The following MDH2 variants were observed in gnomAD, a reference collection of about 807,000 sequenced individuals.
The protein encoded by MDH2 is malate dehydrogenase, mitochondrial.
In MDH2, 25 loss-of-function variants were observed where a neutral mutation model predicts 33.6. That is an observed-to-expected ratio of 0.74 (90% CI 0.54 to 1.04). The LOEUF (loss-of-function observed/expected upper bound fraction) is 1.04. MDH2 is among the 50% of genes least tolerant of loss of function. The pLI is 0.00. For synonymous variants in MDH2, 193 were observed against 188.7 expected, an observed-to-expected ratio of 1.02 and a Z score of -0.19; for missense variants, 432 against 445.0, an observed-to-expected ratio of 0.97 and a Z score of 0.26.
Position 76,059,705 on chromosome 7 carries a change from G to A in MDH2, c.430-668G>A, listed in dbSNP as rs143551470. ...GGATGCCAGCAGGCATGCAGAGCTC[G>A]TGCTCCTGGCCTCTAAGGGTCCTGC... On this transcript the variant is annotated intron_variant, in intron 4 of 8. Transcript: ENST00000315758. 9.7e-3 allele frequency among the ~76,000 whole-genome samples: 1,482 copies of A among 152,272 alleles called. 27 individuals are homozygous for A. The highest frequency in any genetic ancestry group is 0.032 in the African/African-American group (1,322 of 41,544).
chr7:76,066,326 TGAG>T lies in MDH2; in HGVS notation c.937_939del (p.Glu313del), dbSNP rs1798095630. On this transcript the variant is annotated inframe_deletion, in exon 9 of 9. Coordinates refer to ENST00000315758, the MANE Select transcript of MDH2 (RefSeq NM_005918.4). Reference sequence around the variant, plus strand: ...TGGGCATCGGCAAAGTCTCCTCTTTTGAGGAGAAGATGATCTCGGATGCCATCC... The same window carrying T: ...TGGGCATCGGCAAAGTCTCCTCTTTTGAGAAGATGATCTCGGATGCCATCC... 2 of 1,610,288 alleles carry T rather than the reference TGAG, an allele frequency of 1.2e-6. No homozygotes were observed. Among genetic ancestry groups the T allele is most frequent in the Non-Finnish European group, 1.7e-6 (2 of 1,178,824 alleles).
At chr7:76,051,172 A>C (rs1177951719) in intron 1 of MDH2, among the ~76,000 whole-genome samples, 3 of 152,106 alleles carry the variant, frequency 2.0e-5, no homozygotes, top group Non-Finnish European at 4.4e-5. Flanking sequence ...GACGTGAGCC[A>C]CCACACCCGG....
chr7:76,064,531 C>T (rs1798041776), intron 7 of MDH2, 93 bp downstream of exon 7: 7 of 1,149,424 alleles, frequency 6.1e-6, no homozygotes, highest in African/African-American at 1.5e-5. Context: ...TGGGCATGGA[C>T]GATCCTTTTC....
intron 5 of MDH2, 35 bp from the exon 6 acceptor site, chr7:76,063,480 T>A: frequency 6.2e-7 from 1 of 1,600,046 alleles, no homozygotes; most frequent in Non-Finnish European, 8.6e-7. Context: ...TGAAAGAGCT[T>A]GTTAACTCAT....
In MDH2 at chr7:76,067,421, C is replaced by T. The variant is rs1206129145; in HGVS notation, c.*1011C>T. Reference sequence around the variant, plus strand: ...AAATGGATTTTATCATAAAGGATGACATCGTTTTCTTCTACAATTAATACA... The same window carrying T: ...AAATGGATTTTATCATAAAGGATGATATCGTTTTCTTCTACAATTAATACA... On this transcript the variant is annotated 3_prime_UTR_variant, in exon 9 of 9. Transcript: ENST00000315758. The T allele has an allele frequency of 6.6e-6, 1 of 152,158 alleles. No homozygotes were observed. Among genetic ancestry groups the T allele is most frequent in the African/African-American group, 2.4e-5 (1 of 41,430 alleles). 9.4% of individuals were successfully genotyped at this position (152,158 alleles called of 1,614,324 possible).
At chr7:76,065,941 G>A (rs548587487) in intron 8 of MDH2, among the ~76,000 whole-genome samples, 14 of 152,302 alleles carry the variant, frequency 9.2e-5, no homozygotes, top group African/African-American at 2.6e-4. Flanking sequence ...AGTTCCTGGC[G>A]TCCAGGTGCT....
intron 1 of MDH2, among the ~76,000 whole-genome samples, chr7:76,053,736 C>T (rs1797686564): frequency 6.6e-6 from 1 of 151,860 alleles, no homozygotes; most frequent in African/African-American, 2.4e-5. Flanking sequence ...TCTTCCCTCA[C>T]TGGTAGCTGC....
intron 5 of MDH2, 151 bp downstream of exon 5, chr7:76,060,649 A>G: frequency 1.7e-6 from 2 of 1,188,782 alleles, no homozygotes. Context: ...TCTTGATGGA[A>G]GCAGCCCCTG....
At position 76,058,396 on chromosome 7, in the gene MDH2, T is replaced by C. The variant is rs565048327; in HGVS notation, c.429+318T>C. On this transcript the variant is annotated intron_variant, in intron 4 of 8. Transcript: ENST00000315758. Reference sequence around the variant, plus strand: ...TCTCAAGGCTCCTTTCAGCCGTGATTGTGGTGGTCTCTTGATTCCCTTTTT... The same window carrying C: ...TCTCAAGGCTCCTTTCAGCCGTGATCGTGGTGGTCTCTTGATTCCCTTTTT... 5.3e-5 allele frequency among the ~76,000 whole-genome samples: 8 copies of C among 152,318 alleles called. No individual in the cohort carries two copies. In the East Asian group the frequency reaches 1.5e-3, roughly 29 times the overall value.
chr7:76,062,215 A>G (rs1797974145), intron 5 of MDH2, among the ~76,000 whole-genome samples: 1 of 152,068 alleles, frequency 6.6e-6, no homozygotes, highest in Non-Finnish European at 1.5e-5. Flanking sequence ...TTCCCTTTCA[A>G]CGTGGCTCCA....
chr7:76,054,150 CT>C (rs1797699580), intron 1 of MDH2, among the ~76,000 whole-genome samples: 1 of 152,194 alleles, frequency 6.6e-6, no homozygotes, highest in Non-Finnish European at 1.5e-5. Context: ...CACACCTAGG[CT>C]GGAGAACCAG....
chr7:76,060,340 G>C, intron 4 of MDH2, 33 bp from the exon 5 acceptor site: 4 of 1,611,604 alleles, frequency 2.5e-6, no homozygotes, highest in Non-Finnish European at 3.4e-6. Context: ...TCGGAACCCA[G>C]GGCAAGCCAT....
In MDH2 at chr7:76,064,966, G is replaced by C. The variant is rs1798056874; in HGVS notation, c.885+13G>C. The C allele has an allele frequency of 6.2e-7, 1 of 1,613,890 alleles. No individual in the cohort carries two copies. The highest frequency in any genetic ancestry group is 1.3e-5 in the African/African-American group (1 of 74,912). On this transcript the variant is annotated intron_variant, in intron 8 of 8. Transcript: ENST00000315758. The stretch of plus-strand genomic sequence containing the variant: ...GCTGCTGCTTGGGGTACGTATCCAG[G>C]CGTGGGTCCTTCTGACTGTGGAATA...
chr7:76,049,566 G>A (rs1554585015), intron 1 of MDH2, among the ~76,000 whole-genome samples: 3 of 152,092 alleles, frequency 2.0e-5, no homozygotes, highest in Non-Finnish European at 4.4e-5. Flanking sequence ...GGAGGGATGA[G>A]GTGTGGGGGA....
chr7:76,053,882 G>A lies in MDH2; in HGVS notation c.67-948G>A, dbSNP rs559285372. Among the ~76,000 whole-genome samples the A allele has an allele frequency of 9.1e-4, 139 of 152,148 alleles. 1 individual carries two copies. Among genetic ancestry groups the A allele is most frequent in the Non-Finnish European group, 1.5e-3 (104 of 67,986 alleles). On this transcript the variant is annotated intron_variant, in intron 1 of 8. Coordinates refer to ENST00000315758, the MANE Select transcript of MDH2 (RefSeq NM_005918.4). Reference sequence around the variant, plus strand: ...GAGGGGAAGAGTGCCTTCGAATAACGGGAGTGATTGCTGGATGCGGGGCCG... The same window carrying A: ...GAGGGGAAGAGTGCCTTCGAATAACAGGAGTGATTGCTGGATGCGGGGCCG...
At chr7:76,059,909 T>G (rs938690730) in intron 4 of MDH2, among the ~76,000 whole-genome samples, 3 of 152,180 alleles carry the variant, frequency 2.0e-5, no homozygotes, top group African/African-American at 7.2e-5. Flanking sequence ...TTCATGAGGT[T>G]GTCGTTTCCC....
At chr7:76,062,387 G>A (rs1368573548) in intron 5 of MDH2, among the ~76,000 whole-genome samples, 4 of 152,222 alleles carry the variant, frequency 2.6e-5, no homozygotes, top group Non-Finnish European at 4.4e-5. Context: ...CCTGGTGACC[G>A]TGCAGTGCCC....
At chr7:76,054,179 C>G (rs1637029) in intron 1 of MDH2, among the ~76,000 whole-genome samples, 2,117 of 152,204 alleles carry the variant, frequency 0.014, 41 homozygotes, top group African/African-American at 0.049. Context: ...TACTGGAGCC[C>G]GAGATGACAG....
rs1798100305 is a variant in MDH2, at chr7:76,066,454, C to T, written c.*44C>T. The T allele has an allele frequency of 2.5e-6, 4 of 1,578,952 alleles. No homozygotes were observed. The South Asian group carries it at 3.5e-5, about 14-fold the overall frequency. ...CAGTTTCCTTAATTTATGAAGGCATCATGTCACTGCAAAGCCGTTGCAGAT... is the reference window on the plus strand; with the variant it reads ...CAGTTTCCTTAATTTATGAAGGCATTATGTCACTGCAAAGCCGTTGCAGAT... On this transcript the variant is annotated 3_prime_UTR_variant, in exon 9 of 9. Transcript: ENST00000315758.
Sources: gnomAD v4.1 joint callset for allele counts (sites outside exome capture counted in the v4.1 genomes callset) on GRCh38, gnomAD v4.1.1 for gene constraint, MANE v1.5 for transcripts, NCBI Gene and HGNC (gene_info 2026-07-23, HGNC 2026-07-21) for gene names.